HHIPL1: variants seen among roughly 807,000 people sequenced by gnomAD.
HHIPL1 encodes HHIP like 1, also known as HHIP-like protein 1.
In HHIPL1, 43 loss-of-function variants were observed where a neutral mutation model predicts 61.8. That is an observed-to-expected ratio of 0.70 (90% CI 0.55 to 0.90). The LOEUF is 0.90. HHIPL1 is among the 40% of genes least tolerant of loss of function. The pLI, the probability that HHIPL1 is intolerant of heterozygous loss-of-function variation, is 0.00. For missense variants in HHIPL1, 1,056 were observed against 1,157.7 expected, an observed-to-expected ratio of 0.91 and a Z score of 1.28; for synonymous variants, 482 against 515.8, an observed-to-expected ratio of 0.93 and a Z score of 0.89.
rs2056414735 is a variant in HHIPL1 at position 99,678,840 on chromosome 14, T to C, written c.*3214T>C. On this transcript the variant is annotated 3_prime_UTR_variant, in exon 9 of 9. Coordinates refer to ENST00000330710, the MANE Select transcript of HHIPL1 (RefSeq NM_001127258.3). Reference sequence around the variant, plus strand: ...GAGTTATTAGCATAAAGCAAGGAGGTTTGAAGGAAGTTCGTCTTTAAAAGA... The same window carrying C: ...GAGTTATTAGCATAAAGCAAGGAGGCTTGAAGGAAGTTCGTCTTTAAAAGA... 1 of 152,064 alleles carries C rather than the reference T, an allele frequency of 6.6e-6. No homozygotes were observed. Among genetic ancestry groups the C allele is most frequent in the African/African-American group, 2.4e-5 (1 of 41,386 alleles). 9.4% of individuals were successfully genotyped at this position (152,064 alleles called of 1,614,324 possible).
At chr14:99,637,765 T>C in the HHIPL1 span, among the ~76,000 whole-genome samples, 3 of 152,116 alleles carry the variant, frequency 2.0e-5, no homozygotes, top group Admixed American at 6.5e-5. Flanking sequence ...GGGCCTGTAA[T>C]AGCTCCTGTT....
At chr14:99,652,894 C>A in intron 2 of HHIPL1, 24 bp downstream of exon 2, 2 of 1,603,012 alleles carry the variant, frequency 1.2e-6, no homozygotes, top group Non-Finnish European at 8.5e-7. Context: ...GGAACCCGGG[C>A]CTGGGTGGGG....
chr14:99,636,807 A>G, the HHIPL1 span, among the ~76,000 whole-genome samples: 1 of 125,670 alleles, frequency 8.0e-6, no homozygotes, highest in Admixed American at 9.4e-5. Context: ...GAACAACACA[A>G]TAAGACCCAT....
the HHIPL1 span, among the ~76,000 whole-genome samples, chr14:99,614,822 T>C: frequency 6.6e-6 from 1 of 152,166 alleles, no homozygotes; most frequent in East Asian, 1.9e-4. Flanking sequence ...AGCGTTCACT[T>C]AATGCCCTGA....
chr14:99,626,504 C>A, the HHIPL1 span, among the ~76,000 whole-genome samples: 1 of 152,136 alleles, frequency 6.6e-6, no homozygotes, highest in Admixed American at 6.5e-5. Context: ...TGGAGGTCAA[C>A]GCCAAAGCCT....
Position 99,657,087 on chromosome 14 carries a change from T to C in HHIPL1, c.990T>C (p.Thr330=). The change falls in exon 3 of 9, where the codon ACT becomes ACC. Residue 330 remains threonine (T), a synonymous_variant. Coordinates refer to ENST00000330710, the MANE Select transcript of HHIPL1 (RefSeq NM_001127258.3). ...FGDDGYLYIF[T]GDGGMAGDPF... ...ATGACGGGTACCTCTACATCTTCAC[T>C]GGAGATGGCGGGATGGCCGGAGACC... The C allele has an allele frequency of 1.2e-6, 2 of 1,613,698 alleles. No homozygotes were observed. The highest frequency in any genetic ancestry group is 1.7e-6 in the Non-Finnish European group (2 of 1,179,880).
the HHIPL1 span, among the ~76,000 whole-genome samples, chr14:99,629,793 G>A: frequency 6.6e-6 from 1 of 152,162 alleles, no homozygotes; most frequent in East Asian, 1.9e-4. Context: ...GTAAGCCACC[G>A]CGCCCAGCCC....
At position 99,652,310 on chromosome 14, in the gene HHIPL1, C is replaced by G. The variant is rs772524671; in HGVS notation, c.342C>G (p.Tyr114Ter). 6.2e-7 allele frequency: 1 copy of G among 1,614,138 alleles called. No individual in the cohort carries two copies. Among genetic ancestry groups the G allele is most frequent in the Non-Finnish European group, 8.5e-7 (1 of 1,180,036 alleles). The change falls in exon 2 of 9, where the codon TAC (tyrosine) becomes TAG (stop). Residue 114 changes from tyrosine to a stop codon, truncating the protein, a stop_gained. Transcript: ENST00000330710. LOFTEE classifies it high-confidence loss of function. The stretch of plus-strand genomic sequence containing the variant: ...CGGTGCCCGGGCTCTGCCAGGATTA[C>G]TGCCTGGACATGTGGCATAAGTGCC... ...LRTVPGLCQD[Y>*]CLDMWHKCRG... is the part of the protein sequence containing the mutation.
the HHIPL1 span, among the ~76,000 whole-genome samples, chr14:99,626,642 G>A: frequency 2.1e-3 from 318 of 152,334 alleles, no homozygotes; most frequent in African/African-American, 7.4e-3. Context: ...AGAAGGGCTG[G>A]GGTAATTTCT....
chr14:99,668,149 G>A lies in HHIPL1; in HGVS notation c.1649-73G>A, dbSNP rs575247451. The A allele has an allele frequency of 1.2e-4, 110 of 888,270 alleles. No homozygotes were observed. Among genetic ancestry groups the A allele is most frequent in the Middle Eastern group, 2.4e-4 (1 of 4,114 alleles). The allele number at this position is 888,270 out of a possible 1,614,324, so 55.0% of individuals were successfully genotyped here. A position where few individuals can be genotyped will look rare whatever the true frequency, so the allele number is the denominator to read the frequency against. On this transcript the variant is annotated intron_variant, in intron 6 of 8. Transcript: ENST00000330710. This position sits in a 1 kb window ranked among gnomAD's most constrained non-coding sequence, Gnocchi z 4.7. ...TCTATTTCCAAGCCTGCAGGGAGCCGGGTGGTGAGGCGGGGCTGGCTGGGA... is the reference window on the plus strand; with the variant it reads ...TCTATTTCCAAGCCTGCAGGGAGCCAGGTGGTGAGGCGGGGCTGGCTGGGA...
At chr14:99,613,316 A>G in the HHIPL1 span, among the ~76,000 whole-genome samples, 12 of 150,364 alleles carry the variant, frequency 8.0e-5, no homozygotes, top group Non-Finnish European at 1.8e-4. Flanking sequence ...AACTCCATAC[A>G]TGTGGTTTTT....
At chr14:99,605,649 A>T in the HHIPL1 span, among the ~76,000 whole-genome samples, 1 of 152,250 alleles carries the variant, frequency 6.6e-6, no homozygotes, top group Non-Finnish European at 1.5e-5. Flanking sequence ...GACGAGCTAG[A>T]TCAGGATGAG....
At chr14:99,613,202 A>G in the HHIPL1 span, among the ~76,000 whole-genome samples, 3 of 152,084 alleles carry the variant, frequency 2.0e-5, no homozygotes, top group South Asian at 4.2e-4. Context: ...TGGTGACTCA[A>G]GTAACTATAA....
At chr14:99,629,051 C>T in the HHIPL1 span, among the ~76,000 whole-genome samples, 1 of 152,184 alleles carries the variant, frequency 6.6e-6, no homozygotes, top group Admixed American at 6.5e-5. Flanking sequence ...GTTGCTGCAG[C>T]CACCTGGGCC....
chr14:99,646,367 G>A (rs890946868), intron 1 of HHIPL1, among the ~76,000 whole-genome samples: 2 of 152,282 alleles, frequency 1.3e-5, no homozygotes, highest in Non-Finnish European at 2.9e-5. Context: ...CGGCCAGCAG[G>A]GGCAGGTGGT....
chr14:99,663,080 C>T, intron 6 of HHIPL1, 59 bp downstream of exon 6: 1 of 1,482,816 alleles, frequency 6.7e-7, no homozygotes, highest in South Asian at 1.4e-5. Context: ...GGTCCTCCAC[C>T]CTGTGGTCCT....
At position 99,678,785 on chromosome 14, in the gene HHIPL1, T is replaced by G. The variant is rs2056414022; in HGVS notation, c.*3159T>G. 1 of 152,258 alleles carries G rather than the reference T, an allele frequency of 6.6e-6. No homozygotes were observed. Among genetic ancestry groups the G allele is most frequent in the South Asian group, 2.1e-4 (1 of 4,826 alleles). The allele number at this position is 152,258 out of a possible 1,614,324, so 9.4% of individuals were successfully genotyped here. ...CGTACTATGTGCCTGTGAGCACGTC[T>G]AACAGTTACATAGAATAGGGCTTGA... is the stretch of plus-strand genomic sequence containing the variant. On this transcript the variant is annotated 3_prime_UTR_variant, in exon 9 of 9. Transcript: ENST00000330710.
chr14:99,617,532 G>A, the HHIPL1 span, among the ~76,000 whole-genome samples: 14 of 152,196 alleles, frequency 9.2e-5, no homozygotes, highest in Admixed American at 8.5e-4. Context: ...TGGGGAAAGG[G>A]AGGGGAATCG....
chr14:99,665,210 C>T (rs1041516304), intron 6 of HHIPL1, among the ~76,000 whole-genome samples: 3 of 152,096 alleles, frequency 2.0e-5, no homozygotes, highest in South Asian at 2.1e-4. Context: ...CGCGCCCAGC[C>T]GAAATTGTCC....
Sources: allele counts gnomAD v4.1 joint callset (sites outside exome capture counted in the v4.1 genomes callset), GRCh38; gene constraint gnomAD v4.1.1; non-coding constraint Gnocchi (gnomAD v3.1); transcripts MANE v1.5; gene names NCBI Gene and HGNC (gene_info 2026-07-23, HGNC 2026-07-21).